The following THSD7B variants were observed in gnomAD, a reference collection of about 807,000 sequenced individuals.
THSD7B encodes thrombospondin type-1 domain-containing protein 7B.
THSD7B carries 138 observed loss-of-function variants against 213.6 expected under a neutral mutation model. The ratio of observed to expected loss-of-function variants is 0.65; its 90% CI spans 0.56 to 0.74. The LOEUF (loss-of-function observed/expected upper bound fraction) is 0.74. THSD7B is among the 30% of genes least tolerant of loss of function. The pLI is 0.00. For missense variants in THSD7B, 1,931 were observed against 1,991.5 expected, an observed-to-expected ratio of 0.97 and a Z score of 0.58; for synonymous variants, 742 against 687.0, an observed-to-expected ratio of 1.08 and a Z score of -1.25.
At chr2:137,105,108 C>T (rs1182902146) in intron 4 of THSD7B, among the ~76,000 whole-genome samples, 2 of 152,032 alleles carry the variant, frequency 1.3e-5, no homozygotes, top group African/African-American at 4.8e-5. Flanking sequence ...ACAACAACAA[C>T]AAAAGAATTT....
intron 15 of THSD7B, among the ~76,000 whole-genome samples, chr2:137,479,909 G>T (rs537029440): frequency 6.6e-6 from 1 of 152,254 alleles, no homozygotes; most frequent in South Asian, 2.1e-4. Context: ...CAATCTCCAG[G>T]CAGAGCTTTA....
At chr2:136,825,329 C>T (rs1336466116) in intron 1 of THSD7B, among the ~76,000 whole-genome samples, 1 of 152,158 alleles carries the variant, frequency 6.6e-6, no homozygotes, top group African/African-American at 2.4e-5. Context: ...GTCTCACTCA[C>T]TGCACCAAAA....
At chr2:137,658,120 A>C (rs1231983344) in intron 24 of THSD7B, among the ~76,000 whole-genome samples, 2 of 152,220 alleles carry the variant, frequency 1.3e-5, no homozygotes, top group African/African-American at 4.8e-5. Context: ...TGCCTATAGG[A>C]ATAGAAGTAT....
At chr2:137,446,274 A>G (rs1186903006) in intron 14 of THSD7B, among the ~76,000 whole-genome samples, 1 of 152,072 alleles carries the variant, frequency 6.6e-6, no homozygotes, top group East Asian at 1.9e-4. Context: ...AAAAATGCAC[A>G]TAAGGTAATA....
At chr2:136,903,166 TTA>T (rs2105014382) in intron 2 of THSD7B, among the ~76,000 whole-genome samples, 1 of 152,152 alleles carries the variant, frequency 6.6e-6, no homozygotes, top group South Asian at 2.1e-4. Context: ...GGTGTTTTTT[TTA>T]AAAAAAATAT....
intron 7 of THSD7B, among the ~76,000 whole-genome samples, chr2:137,195,226 G>A (rs1188016265): frequency 2.0e-5 from 3 of 148,000 alleles, no homozygotes; most frequent in Non-Finnish European, 4.4e-5. Flanking sequence ...GTATGTATAT[G>A]TATGTGTGTA....
chr2:137,263,015 C>T lies in THSD7B; in HGVS notation c.2267-9518C>T, dbSNP rs58536206. Among the ~76,000 whole-genome samples the T allele has an allele frequency of 6.1e-3, 932 of 152,162 alleles. 13 individuals are homozygous for T. The highest frequency in any genetic ancestry group is 0.022 in the African/African-American group (905 of 41,510). Reference sequence around the variant, plus strand: ...GGGTCACTATTTGATAAGGTTAGCTCTCTCTAAATTGGGGATGTTTTAAGA... The same window carrying T: ...GGGTCACTATTTGATAAGGTTAGCTTTCTCTAAATTGGGGATGTTTTAAGA... On this transcript the variant is annotated intron_variant, in intron 10 of 27. Transcript: ENST00000409968.
At chr2:137,000,278 G>C (rs1216851111) in intron 2 of THSD7B, among the ~76,000 whole-genome samples, 1 of 152,054 alleles carries the variant, frequency 6.6e-6, no homozygotes, top group Admixed American at 6.6e-5. Context: ...AAAATTTAAG[G>C]GGACTGAATT....
chr2:137,360,817 A>C (rs1685239017), intron 12 of THSD7B, among the ~76,000 whole-genome samples: 1 of 152,202 alleles, frequency 6.6e-6, no homozygotes, highest in Non-Finnish European at 1.5e-5. Context: ...ACTTCTGCAG[A>C]CTTAAACATC....
At chr2:137,231,552 C>G (rs1681640111) in intron 8 of THSD7B, among the ~76,000 whole-genome samples, 1 of 151,324 alleles carries the variant, frequency 6.6e-6, no homozygotes, top group African/African-American at 2.4e-5. Flanking sequence ...ACACCCAAAC[C>G]AAAGATAGCT....
At chr2:136,811,555 T>C (rs1458941968) in intron 1 of THSD7B, among the ~76,000 whole-genome samples, 1 of 152,182 alleles carries the variant, frequency 6.6e-6, no homozygotes, top group Non-Finnish European at 1.5e-5. Context: ...TCCTCAGCTC[T>C]CCTTTGGCCC....
chr2:137,120,882 T>C (rs767443266), intron 5 of THSD7B, among the ~76,000 whole-genome samples: 1 of 152,200 alleles, frequency 6.6e-6, no homozygotes, highest in African/African-American at 2.4e-5. Context: ...ATCCCCACTC[T>C]TTTTGCAGAG....
At chr2:137,624,539 C>T (rs886422968) in intron 20 of THSD7B, among the ~76,000 whole-genome samples, 12 of 152,242 alleles carry the variant, frequency 7.9e-5, no homozygotes, top group African/African-American at 2.9e-4. Context: ...AACAGGCAAC[C>T]TACAGAATGG....
At chr2:137,282,480 G>A (rs9678947) in intron 12 of THSD7B, among the ~76,000 whole-genome samples, 93,729 of 151,482 alleles carry the variant, frequency 0.62, 29,628 homozygotes, top group East Asian at 0.94. Flanking sequence ...GTCCTTGCCT[G>A]TGCCTATGTC....
chr2:136,814,029 A>T (rs1015727993), intron 1 of THSD7B, among the ~76,000 whole-genome samples: 12 of 152,084 alleles, frequency 7.9e-5, no homozygotes, highest in African/African-American at 2.9e-4. Flanking sequence ...CTGATTTCCA[A>T]TATCCCCCTG....
At chr2:137,100,145 A>G (rs1688122647) in intron 4 of THSD7B, among the ~76,000 whole-genome samples, 1 of 152,036 alleles carries the variant, frequency 6.6e-6, no homozygotes, top group Non-Finnish European at 1.5e-5. Flanking sequence ...TTAGTTGATG[A>G]ATTTTTAGAT....
chr2:137,355,268 T>C (rs1573979316), intron 12 of THSD7B, among the ~76,000 whole-genome samples: 1 of 152,258 alleles, frequency 6.6e-6, no homozygotes, highest in East Asian at 1.9e-4. Context: ...AACCCTGAAA[T>C]GTGAATGGCC....
At chr2:137,074,102 C>T (rs552913036) in intron 3 of THSD7B, among the ~76,000 whole-genome samples, 56 of 150,712 alleles carry the variant, frequency 3.7e-4, no homozygotes, top group African/African-American at 1.1e-3. Flanking sequence ...CTATTAGGTC[C>T]GCTTGGTACA....
chr2:137,091,676 C>T (rs1687951132), intron 3 of THSD7B, among the ~76,000 whole-genome samples: 2 of 152,078 alleles, frequency 1.3e-5, no homozygotes, highest in Non-Finnish European at 2.9e-5. Flanking sequence ...GTGTATGTGC[C>T]TGTGTGCTAA....
Sources: allele counts gnomAD v4.1 joint callset (sites outside exome capture counted in the v4.1 genomes callset), GRCh38; gene constraint gnomAD v4.1.1; transcripts MANE v1.5; gene names NCBI Gene and HGNC (gene_info 2026-07-23, HGNC 2026-07-21).